Variants in KLHL2 observed in about 807,000 individuals in gnomAD.
KLHL2 encodes kelch like family member 2, also known as kelch-like protein 2.
Under a neutral mutation model 75.8 loss-of-function variants are expected in KLHL2, and 15 were observed. The ratio of observed to expected loss-of-function variants is 0.20; its 90% CI spans 0.13 to 0.30. KLHL2 has a LOEUF of 0.30. Among genes scored for constraint, KLHL2 ranks in the 10% least tolerant of loss-of-function variants. The pLI is 1.00. For synonymous variants in KLHL2, 214 were observed against 251.9 expected (o/e 0.85, Z 1.42); for missense variants, 381 against 741.0 (o/e 0.51, Z 5.64).
At chr4:165,301,930 A>G (rs1001713868) in intron 8 of KLHL2, among the ~76,000 whole-genome samples, 3 of 152,126 alleles carry the variant, frequency 2.0e-5, no homozygotes, top group Non-Finnish European at 4.4e-5. Flanking sequence ...GTTCTCGGTA[A>G]AAGCCTATCA....
intron 2 of KLHL2, among the ~76,000 whole-genome samples, chr4:165,220,502 T>G (rs1737901499): frequency 6.6e-6 from 1 of 152,142 alleles, no homozygotes; most frequent in South Asian, 2.1e-4. Flanking sequence ...GGAGGATCAC[T>G]TGAAGCCAGG....
chr4:165,284,284 T>C (rs562133486), intron 5 of KLHL2, among the ~76,000 whole-genome samples: 11 of 152,192 alleles, frequency 7.2e-5, no homozygotes, highest in Non-Finnish European at 1.2e-4. Context: ...TTTTCCAAAC[T>C]TTTATGCTCT....
chr4:165,232,706 C>T (rs1237126127), intron 3 of KLHL2, among the ~76,000 whole-genome samples: 1 of 151,830 alleles, frequency 6.6e-6, no homozygotes, highest in South Asian at 2.1e-4. Context: ...TGCCACTGCC[C>T]TCCACCTGGG....
chr4:165,321,268 C>G (rs1239858130), intron 14 of KLHL2: 9 of 456,086 alleles, frequency 2.0e-5, no homozygotes, highest in Non-Finnish European at 4.0e-5. Flanking sequence ...TCTGCCACCC[C>G]TGAAACAACA....
chr4:165,263,530 C>G (rs1204505359), intron 5 of KLHL2, among the ~76,000 whole-genome samples, 171 bp downstream of exon 5: 2 of 151,832 alleles, frequency 1.3e-5, no homozygotes, highest in African/African-American at 2.4e-5. Context: ...TCATAAAATT[C>G]TGAACTTAAA....
intron 5 of KLHL2, among the ~76,000 whole-genome samples, chr4:165,264,163 G>A (rs552693219): frequency 6.6e-6 from 1 of 152,034 alleles, no homozygotes; most frequent in South Asian, 2.1e-4. Context: ...TATATTAAAA[G>A]TGATTATTAG....
intron 14 of KLHL2, among the ~76,000 whole-genome samples, chr4:165,320,224 A>C (rs959843186): frequency 3.9e-5 from 6 of 152,184 alleles, no homozygotes. Flanking sequence ...AGCTAACTCT[A>C]CTATTTTGTG....
At chr4:165,277,154 G>A (rs1743186107) in intron 5 of KLHL2, among the ~76,000 whole-genome samples, 1 of 152,052 alleles carries the variant, frequency 6.6e-6, no homozygotes, top group Non-Finnish European at 1.5e-5. Flanking sequence ...CTTAAGACCA[G>A]CCCTGTTAGA....
intron 11 of KLHL2, 116 bp downstream of exon 11, chr4:165,311,681 A>T: frequency 2.8e-6 from 2 of 722,610 alleles, no homozygotes; most frequent in South Asian, 3.6e-5. Context: ...TTTTAAAAAG[A>T]AAAGTCGTAA....
intron 3 of KLHL2, among the ~76,000 whole-genome samples, chr4:165,230,499 A>G (rs1465213349): frequency 1.3e-5 from 2 of 151,864 alleles, no homozygotes; most frequent in Non-Finnish European, 2.9e-5. Context: ...CATCATCACC[A>G]TTCTTTTTTA....
intron 1 of KLHL2, among the ~76,000 whole-genome samples, chr4:165,215,416 A>T (rs1257170831): frequency 6.6e-6 from 1 of 152,198 alleles, no homozygotes; most frequent in Non-Finnish European, 1.5e-5. Flanking sequence ...TTCTGAATGC[A>T]AGTTTGGCTG....
intron 11 of KLHL2, among the ~76,000 whole-genome samples, chr4:165,312,356 A>C (rs1746269354): frequency 6.6e-6 from 1 of 152,174 alleles, no homozygotes; most frequent in Non-Finnish European, 1.5e-5. Flanking sequence ...ATGGATTGCC[A>C]CAGTTATTTA....
intron 2 of KLHL2, among the ~76,000 whole-genome samples, chr4:165,223,606 A>T (rs1738186162): frequency 6.6e-6 from 1 of 152,224 alleles, no homozygotes; most frequent in South Asian, 2.1e-4. Flanking sequence ...GCAGGCTTGA[A>T]TAGTATGATG....
intron 4 of KLHL2, among the ~76,000 whole-genome samples, chr4:165,262,578 G>GTT: frequency 6.6e-6 from 1 of 152,084 alleles, no homozygotes; most frequent in Admixed American, 6.6e-5. Context: ...TTTTGTTGTT[G>GTT]TTGTTTTGTT....
intron 4 of KLHL2, among the ~76,000 whole-genome samples, chr4:165,243,392 AATATT>A (rs1183655271): frequency 1.3e-5 from 2 of 152,246 alleles, no homozygotes; most frequent in African/African-American, 2.4e-5. Context: ...TTCCTAAATT[AATATT>A]ATGAGTACTC....
At chr4:165,303,939 A>T (rs986251566) in intron 8 of KLHL2, among the ~76,000 whole-genome samples, 7 of 151,560 alleles carry the variant, frequency 4.6e-5, no homozygotes, top group Middle Eastern at 3.2e-3. Flanking sequence ...GTAATGGTGC[A>T]ATCTCGGCTC....
At chr4:165,269,466 T>C (rs1189084159) in intron 5 of KLHL2, among the ~76,000 whole-genome samples, 3 of 152,094 alleles carry the variant, frequency 2.0e-5, no homozygotes, top group Non-Finnish European at 4.4e-5. Flanking sequence ...TTCCTTTCCA[T>C]GTTTAGTGCT....
intron 5 of KLHL2, among the ~76,000 whole-genome samples, chr4:165,287,905 C>G (rs1325152323): frequency 2.6e-5 from 4 of 152,058 alleles, no homozygotes; most frequent in Non-Finnish European, 5.9e-5. Context: ...TTTTTATATT[C>G]TGGATATTAA....
At chr4:165,235,600 A>G (rs531756302) in intron 3 of KLHL2, among the ~76,000 whole-genome samples, 101 of 152,334 alleles carry the variant, frequency 6.6e-4, no homozygotes, top group African/African-American at 2.3e-3. Flanking sequence ...GATGTCAGAC[A>G]TGTTATACAG....
Sources: allele counts gnomAD v4.1 joint callset (sites outside exome capture counted in the v4.1 genomes callset), GRCh38; gene constraint gnomAD v4.1.1; transcripts MANE v1.5; gene names NCBI Gene and HGNC (gene_info 2026-07-23, HGNC 2026-07-21).